Variants in GPATCH2 observed in about 807,000 individuals in gnomAD.
GPATCH2 encodes G patch domain-containing protein 2.
A neutral mutation model predicts 58.0 loss-of-function variants in GPATCH2; 51 were observed. The observed-to-expected ratio is 0.88, with a 90% CI of 0.70 to 1.11. The LOEUF is 1.11. Ranked by LOEUF, GPATCH2 falls within the 50% of genes most tolerant of loss-of-function variation. The pLI, the probability that GPATCH2 is intolerant of heterozygous loss-of-function variation, is 0.00. For missense variants in GPATCH2, 625 were observed against 652.2 expected, an observed-to-expected ratio of 0.96 and a Z score of 0.45; for synonymous variants, 222 against 218.5, an observed-to-expected ratio of 1.02 and a Z score of -0.14.
intron 8 of GPATCH2, among the ~76,000 whole-genome samples, chr1:217,478,099 T>C (rs1335591036): frequency 6.6e-6 from 1 of 152,224 alleles, no homozygotes; most frequent in Non-Finnish European, 1.5e-5. Flanking sequence ...TTACTGTTCT[T>C]GGGATGCCGC....
intron 5 of GPATCH2, among the ~76,000 whole-genome samples, chr1:217,595,796 G>A (rs1430480945): frequency 1.3e-5 from 2 of 152,000 alleles, no homozygotes; most frequent in Non-Finnish European, 2.9e-5. Flanking sequence ...CACCGCACCC[G>A]GCCGATCCTT....
chr1:217,607,921 C>A (rs1050900997), intron 5 of GPATCH2, among the ~76,000 whole-genome samples: 1 of 152,136 alleles, frequency 6.6e-6, no homozygotes, highest in Non-Finnish European at 1.5e-5. Context: ...TAATGGGTTG[C>A]AGCTCCATGT....
intron 5 of GPATCH2, among the ~76,000 whole-genome samples, chr1:217,517,427 C>A (rs979647487): frequency 6.6e-6 from 1 of 151,936 alleles, no homozygotes; most frequent in East Asian, 1.9e-4. Context: ...GGCAACTAGA[C>A]ACACTTACCT....
chr1:217,447,318 T>C (rs537582548), intron 9 of GPATCH2, among the ~76,000 whole-genome samples: 9 of 152,362 alleles, frequency 5.9e-5, no homozygotes, highest in South Asian at 2.1e-4. Context: ...TTTATATATA[T>C]GTAATGTGCA....
At chr1:217,629,267 C>G (rs964914539) in intron 1 of GPATCH2, among the ~76,000 whole-genome samples, 4 of 152,010 alleles carry the variant, frequency 2.6e-5, no homozygotes, top group Non-Finnish European at 5.9e-5. Context: ...AAATAAAGAT[C>G]CAGTTTTCTG....
At chr1:217,451,512 G>A (rs532363693) in intron 8 of GPATCH2, among the ~76,000 whole-genome samples, 26 of 152,146 alleles carry the variant, frequency 1.7e-4, no homozygotes, top group Admixed American at 4.6e-4. Context: ...CTTTCAACTG[G>A]TTATAACATC....
intron 5 of GPATCH2, chr1:217,608,742 T>C (rs1668480196): frequency 1.0e-6 from 1 of 982,914 alleles, no homozygotes; most frequent in Non-Finnish European, 1.2e-6. Flanking sequence ...AAAGCATTTA[T>C]GTAATTCAGA....
At chr1:217,468,515 CCACACACACACACACA>C (rs10524566) in intron 8 of GPATCH2, among the ~76,000 whole-genome samples, 13 of 142,704 alleles carry the variant, frequency 9.1e-5, no homozygotes, top group African/African-American at 2.4e-4. Flanking sequence ...GCACACACAA[CCACACACACACACACA>C]CACACACACA....
intron 2 of GPATCH2, among the ~76,000 whole-genome samples, chr1:217,617,986 C>T (rs1159607974): frequency 6.6e-6 from 1 of 151,968 alleles, no homozygotes; most frequent in African/African-American, 2.4e-5. Flanking sequence ...GGGGAGCTTG[C>T]ACAATGAATC....
In GPATCH2 at chr1:217,524,707, G is replaced by A. The variant is rs529284912; in HGVS notation, c.1099-9818C>T. Among the ~76,000 whole-genome samples, 978 of 151,202 alleles carry A rather than the reference G, an allele frequency of 6.5e-3. 14 individuals are homozygous for A. Among genetic ancestry groups the A allele is most frequent in the African/African-American group, 0.022 (904 of 41,304 alleles). On this transcript the variant is annotated intron_variant, in intron 5 of 9. Coordinates refer to ENST00000366935, the MANE Select transcript of GPATCH2 (RefSeq NM_018040.5). The stretch of plus-strand genomic sequence containing the variant: ...AACCCCGTCTCCACCCAAAAAATAC[G>A]AAAACCAGTCAGGCGTGGCAGCGCG...
At chr1:217,614,405 C>A (rs1230035160) in intron 2 of GPATCH2, among the ~76,000 whole-genome samples, 1 of 151,826 alleles carries the variant, frequency 6.6e-6, no homozygotes, top group Non-Finnish European at 1.5e-5. Flanking sequence ...CACATAAAAC[C>A]ACAGGAATCT....
intron 5 of GPATCH2, among the ~76,000 whole-genome samples, chr1:217,518,903 A>G (rs997460964): frequency 2.0e-5 from 3 of 152,206 alleles, no homozygotes; most frequent in Non-Finnish European, 4.4e-5. Context: ...TTTTGTGAGG[A>G]CTGGTCAATC....
intron 5 of GPATCH2, among the ~76,000 whole-genome samples, chr1:217,575,633 T>A (rs1666770594): frequency 6.6e-6 from 1 of 152,112 alleles, no homozygotes; most frequent in Non-Finnish European, 1.5e-5. Flanking sequence ...CCTATTAGTA[T>A]GATAATAAAG....
chr1:217,627,175 T>G (rs1422390254), intron 1 of GPATCH2, among the ~76,000 whole-genome samples: 1 of 151,970 alleles, frequency 6.6e-6, no homozygotes, highest in Admixed American at 6.6e-5. Flanking sequence ...TGAGGATGAG[T>G]GGGTACTTAA....
chr1:217,474,652 G>C (rs1261127173), intron 8 of GPATCH2, among the ~76,000 whole-genome samples: 4 of 152,162 alleles, frequency 2.6e-5, no homozygotes, highest in African/African-American at 9.7e-5. Flanking sequence ...GAATGCCTAC[G>C]TTAAGGGCAT....
chr1:217,557,525 G>T (rs1301821746), intron 5 of GPATCH2, among the ~76,000 whole-genome samples: 15 of 151,674 alleles, frequency 9.9e-5, no homozygotes, highest in Non-Finnish European at 1.5e-5. Context: ...AGGTCATAGA[G>T]TTGTTCTCCG....
At chr1:217,446,222 A>C (rs1305281908) in intron 9 of GPATCH2, among the ~76,000 whole-genome samples, 1 of 152,148 alleles carries the variant, frequency 6.6e-6, no homozygotes, top group East Asian at 1.9e-4. Context: ...AGGCAAAAGA[A>C]ACTACGAAAA....
chr1:217,567,980 G>A (rs1055408541), intron 5 of GPATCH2, among the ~76,000 whole-genome samples: 6 of 152,156 alleles, frequency 3.9e-5, no homozygotes, highest in Admixed American at 2.0e-4. Flanking sequence ...AGCCGAGCAC[G>A]GTGGCGGGCG....
rs1661654434 is a variant in GPATCH2, at chr1:217,490,236, C to T, written c.1277+1444G>A. 3.3e-5 allele frequency among the ~76,000 whole-genome samples: 5 copies of T among 152,166 alleles called. No homozygotes were observed. In the South Asian group the frequency reaches 1.0e-3, roughly 31 times the overall value. On this transcript the variant is annotated intron_variant, in intron 8 of 9. Coordinates refer to ENST00000366935, the MANE Select transcript of GPATCH2 (RefSeq NM_018040.5). ...GGCCTTACCGATGCTACTGAGAAAT[C>T]TGATATATCATTGTCATTCCTTTGT...
Sources: allele counts gnomAD v4.1 joint callset (sites outside exome capture counted in the v4.1 genomes callset), GRCh38; gene constraint gnomAD v4.1.1; transcripts MANE v1.5; gene names NCBI Gene and HGNC (gene_info 2026-07-23, HGNC 2026-07-21).